FOXP1: variants seen among roughly 807,000 people sequenced by gnomAD.
FOXP1 encodes the protein forkhead box protein P1.
In FOXP1, 15 loss-of-function variants were observed where a neutral mutation model predicts 98.2. That is an observed-to-expected ratio of 0.15 (90% CI 0.10 to 0.24). The LOEUF is 0.24. Ranked by LOEUF, FOXP1 falls within the 10% of genes least tolerant of loss-of-function variation. The pLI, the probability that FOXP1 is intolerant of heterozygous loss-of-function variation, is 1.00. For synonymous variants in FOXP1, 371 were observed against 314.5 expected, an observed-to-expected ratio of 1.18 and a Z score of -1.90; for missense variants, 633 against 848.5, an observed-to-expected ratio of 0.75 and a Z score of 3.15.
chr3:71,311,538 G>A (rs569730660), intron 4 of FOXP1, among the ~76,000 whole-genome samples: 16 of 152,208 alleles, frequency 1.1e-4, no homozygotes, highest in South Asian at 2.1e-4. Context: ...ACTGTTGTAC[G>A]TAAAATGGCT....
chr3:71,044,315 C>A (rs1176864783), intron 10 of FOXP1, among the ~76,000 whole-genome samples: 2 of 152,072 alleles, frequency 1.3e-5, no homozygotes, highest in African/African-American at 4.8e-5. Context: ...TTTTCTGCTA[C>A]CTAGAGTTTA....
intron 3 of FOXP1, among the ~76,000 whole-genome samples, chr3:71,488,913 A>C (rs972900430): frequency 6.6e-6 from 1 of 152,200 alleles, no homozygotes; most frequent in Non-Finnish European, 1.5e-5. Context: ...AAAACATATT[A>C]TGTAGTTTAT....
chr3:71,436,435 G>A (rs1307901359), intron 3 of FOXP1, among the ~76,000 whole-genome samples: 1 of 151,934 alleles, frequency 6.6e-6, no homozygotes. Flanking sequence ...GGCCCTGGTG[G>A]TGATGAGACC....
intron 6 of FOXP1, among the ~76,000 whole-genome samples, chr3:71,154,151 A>T (rs893537088): frequency 6.6e-6 from 1 of 151,776 alleles, no homozygotes. Flanking sequence ...ATATAATGTG[A>T]TATTTTGAGA....
chr3:71,070,654 TC>T (rs71104411), intron 7 of FOXP1, among the ~76,000 whole-genome samples: 58 of 152,236 alleles, frequency 3.8e-4, no homozygotes, highest in Admixed American at 1.6e-3. Context: ...ACGGGAACCC[TC>T]CGCGCACGTG....
intron 13 of FOXP1, among the ~76,000 whole-genome samples, chr3:70,999,201 T>C (rs2107598359): frequency 6.6e-6 from 1 of 152,272 alleles, no homozygotes; most frequent in Non-Finnish European, 1.5e-5. Flanking sequence ...GCAATTCTTT[T>C]GCCTCAGCCT....
In FOXP1 at chr3:71,041,407, G is replaced by A. The variant is rs369057936; in HGVS notation, c.790C>T (p.Pro264Ser). 2 of 1,613,766 alleles carry A rather than the reference G, an allele frequency of 1.2e-6. No individual in the cohort carries two copies. Among genetic ancestry groups the A allele is most frequent in the Non-Finnish European group, 8.5e-7 (1 of 1,179,856 alleles). ...LTTTCVSSSA[P>S]SKTSLIMNPH... is the part of the protein sequence containing the mutation. ...TTCATTATTAAGGAGGTCTTGGAAG[G>A]TGCAGAGGAGGAGACACATGTCGTG... Residue 264 changes from proline (P) to serine (S), a missense_variant, in exon 11 of 21, where the codon CCT becomes TCT. Coordinates refer to ENST00000649528, the MANE Select transcript of FOXP1 (RefSeq NM_001349338.3).
intron 5 of FOXP1, among the ~76,000 whole-genome samples, chr3:71,228,174 G>A (rs963530863): frequency 6.6e-6 from 1 of 152,160 alleles, no homozygotes; most frequent in African/African-American, 2.4e-5. Flanking sequence ...ATCACGGAAA[G>A]AGAGGATATT....
intron 3 of FOXP1, among the ~76,000 whole-genome samples, chr3:71,412,362 T>C (rs2082817611): frequency 1.3e-5 from 2 of 152,208 alleles, no homozygotes; most frequent in African/African-American, 4.8e-5. Context: ...GGCAGGTTTC[T>C]AGGACTGAAG....
intron 2 of FOXP1, chr3:71,573,401 A>G (rs895590132): frequency 1.6e-5 from 2 of 127,064 alleles, no homozygotes; most frequent in Non-Finnish European, 3.1e-5. Flanking sequence ...TGCAGTTGCC[A>G]TAAGGATAGC....
At chr3:70,973,921 G>C (rs1388997584) in intron 17 of FOXP1, among the ~76,000 whole-genome samples, 2 of 142,122 alleles carry the variant, frequency 1.4e-5, no homozygotes, top group Non-Finnish European at 3.0e-5. Context: ...GGTGAATCTT[G>C]ATACTCTGAG....
At chr3:71,076,095 C>T (rs534832716) in intron 7 of FOXP1, among the ~76,000 whole-genome samples, 4 of 152,066 alleles carry the variant, frequency 2.6e-5, no homozygotes, top group Admixed American at 2.0e-4. Context: ...CAACATGAGA[C>T]CTAATTTATG....
At chr3:71,068,166 A>C (rs1294181349) in intron 7 of FOXP1, among the ~76,000 whole-genome samples, 1 of 152,124 alleles carries the variant, frequency 6.6e-6, no homozygotes, top group African/African-American at 2.4e-5. Context: ...TTCAAACACC[A>C]CATATTAAGA....
In FOXP1 at chr3:71,498,343, T is replaced by C. The variant is rs569454908; in HGVS notation, c.-297-4788A>G. Among the ~76,000 whole-genome samples the C allele has an allele frequency of 2.4e-3, 369 of 152,344 alleles. 2 individuals carry two copies. Among genetic ancestry groups the C allele is most frequent in the African/African-American group, 8.1e-3 (336 of 41,578 alleles). The stretch of plus-strand genomic sequence containing the variant: ...TCTGCAGGGAGCTAGAAAGAGCAGC[T>C]GTGGTTCCCTGAGGCCGGGACCTAG... On this transcript the variant is annotated intron_variant, in intron 2 of 20. Transcript: ENST00000649528.
At chr3:70,973,835 G>GCCCCCCCCCC (rs56950015) in intron 17 of FOXP1, among the ~76,000 whole-genome samples, 3 of 36,690 alleles carry the variant, frequency 8.2e-5, no homozygotes, top group Non-Finnish European at 1.1e-4. Flanking sequence ...TTTGCACACC[G>GCCCCCCCCCC]CCCCCCCCCC....
chr3:71,392,922 A>C (rs972914890), intron 3 of FOXP1, among the ~76,000 whole-genome samples: 7 of 152,234 alleles, frequency 4.6e-5, no homozygotes, highest in African/African-American at 1.4e-4. Flanking sequence ...AACAAATGAA[A>C]AAAGTGAGAA....
At chr3:71,491,681 T>G (rs888466947) in intron 3 of FOXP1, among the ~76,000 whole-genome samples, 5 of 152,202 alleles carry the variant, frequency 3.3e-5, no homozygotes, top group African/African-American at 1.2e-4. Flanking sequence ...GTTAACAAAC[T>G]GTGGCAGGAA....
At chr3:71,118,091 C>T (rs565302222) in intron 6 of FOXP1, among the ~76,000 whole-genome samples, 34 of 152,246 alleles carry the variant, frequency 2.2e-4, no homozygotes, top group African/African-American at 6.7e-4. Flanking sequence ...TGGAACTGCC[C>T]GATGGCTGGC....
chr3:71,219,526 C>T (rs137925423), intron 5 of FOXP1, among the ~76,000 whole-genome samples: 142 of 152,176 alleles, frequency 9.3e-4, no homozygotes, highest in Non-Finnish European at 1.5e-3. Context: ...TTCTTTTAAC[C>T]GTAAGTTTTA....
Sources: gnomAD v4.1 joint callset for allele counts (sites outside exome capture counted in the v4.1 genomes callset) on GRCh38, gnomAD v4.1.1 for gene constraint, MANE v1.5 for transcripts, NCBI Gene and HGNC (gene_info 2026-07-23, HGNC 2026-07-21) for gene names.